The following KLRG1 variants were observed in gnomAD, a reference collection of about 807,000 sequenced individuals.
KLRG1 encodes killer cell lectin-like receptor subfamily G member 1.
In KLRG1, 16 loss-of-function variants were observed where a neutral mutation model predicts 21.8. That is an observed-to-expected ratio of 0.73 (90% CI 0.50 to 1.11). The LOEUF (loss-of-function observed/expected upper bound fraction) is 1.11. KLRG1 is among the 50% of genes most tolerant of loss of function. The pLI, the probability that KLRG1 is intolerant of heterozygous loss-of-function variation, is 0.00. For missense variants in KLRG1, 173 were observed against 218.3 expected, an observed-to-expected ratio of 0.79 and a Z score of 1.31; for synonymous variants, 69 against 75.9, an observed-to-expected ratio of 0.91 and a Z score of 0.47.
At chr12:9,077,612 C>T in the KLRG1 span, 1 of 1,555,814 alleles carries the variant, frequency 6.4e-7, no homozygotes, top group Non-Finnish European at 8.7e-7. Context: ...CTGAGGCTTT[C>T]CCTTAGAATT....
the KLRG1 span, chr12:9,077,586 C>G: frequency 1.4e-5 from 22 of 1,521,066 alleles, no homozygotes; most frequent in Non-Finnish European, 1.9e-5. Flanking sequence ...TGGTGCCATC[C>G]AGGTTTTATT....
intron 1 of KLRG1, among the ~76,000 whole-genome samples, chr12:8,969,526 A>G (rs1010238379): frequency 6.6e-6 from 1 of 151,374 alleles, no homozygotes; most frequent in African/African-American, 2.4e-5. Context: ...GAGCTCTTTT[A>G]TTTTAGTTAA....
chr12:9,118,943 TA>T, the KLRG1 span, among the ~76,000 whole-genome samples: 2 of 152,146 alleles, frequency 1.3e-5, no homozygotes, highest in Non-Finnish European at 2.9e-5. Flanking sequence ...AAGACAGAGT[TA>T]CAGGGAATGC....
chr12:8,968,287 AAG>A (rs145372769), intron 1 of KLRG1, among the ~76,000 whole-genome samples: 50,760 of 151,788 alleles, frequency 0.33, 8,801 homozygotes, highest in Admixed American at 0.4. Flanking sequence ...ATACCATACA[AAG>A]AGAGTTGGAG....
At chr12:9,110,080 T>C in the KLRG1 span, 27 of 1,562,168 alleles carry the variant, frequency 1.7e-5, no homozygotes, top group Middle Eastern at 5.2e-4. Flanking sequence ...ACCTGGAGCA[T>C]TGGAGCTAAT....
the KLRG1 span, among the ~76,000 whole-genome samples, chr12:9,084,297 A>G: frequency 3.3e-5 from 5 of 152,214 alleles, no homozygotes; most frequent in African/African-American, 1.2e-4. Context: ...AAAATACTCT[A>G]TGACTGTAAT....
In KLRG1 at chr12:8,967,631, G is replaced by A. The variant is rs115435128; in HGVS notation, c.-156+17395G>A. On this transcript the variant is annotated intron_variant, in intron 1 of 4. Coordinates refer to the KLRG1 transcript ENST00000539240. ...CAGCTACTTGAAGGCTGAAATGGGA[G>A]ATTTCTTGAGCCTAGGAGTTCAAGG... Among the ~76,000 whole-genome samples, 741 of 152,252 alleles carry A rather than the reference G, an allele frequency of 4.9e-3. 11 individuals are homozygous for A. Among genetic ancestry groups the A allele is most frequent in the African/African-American group, 0.016 (678 of 41,542 alleles).
the KLRG1 span, chr12:9,192,727 G>A: frequency 1.2e-6 from 2 of 1,609,226 alleles, no homozygotes; most frequent in Non-Finnish European, 1.7e-6. Context: ...AAGTTGGGAT[G>A]CACAGTGAAA....
At chr12:9,013,640 G>T (rs182857089), downstream of KLRG1, among the ~76,000 whole-genome samples, 2 of 152,174 alleles carry the variant, frequency 1.3e-5, no homozygotes, top group Non-Finnish European at 2.9e-5. Context: ...GACAAGAGAA[G>T]AGAACTTGTG....
the KLRG1 span, chr12:9,098,666 G>C: frequency 1.2e-6 from 2 of 1,611,274 alleles, no homozygotes; most frequent in East Asian, 2.2e-5. Context: ...TCCACAGCAC[G>C]GAGGGCGCAG....
At chr12:9,112,930 A>G in the KLRG1 span, among the ~76,000 whole-genome samples, 3 of 152,180 alleles carry the variant, frequency 2.0e-5, no homozygotes. Context: ...TCACATGTGG[A>G]CAACTCTGAA....
At chr12:8,992,004 G>GT in intron 1 of KLRG1, 1 of 472,282 alleles carries the variant, frequency 2.1e-6, no homozygotes, top group Non-Finnish European at 3.8e-6. Context: ...GATAAATATA[G>GT]TAAGTTCTTT....
chr12:9,192,916 A>G, the KLRG1 span, among the ~76,000 whole-genome samples: 7 of 152,242 alleles, frequency 4.6e-5, no homozygotes, highest in Admixed American at 4.6e-4. Flanking sequence ...AAATATTAAA[A>G]GGAAATCATC....
chr12:9,109,319 AC>A, the KLRG1 span: 1 of 1,608,416 alleles, frequency 6.2e-7, no homozygotes, highest in East Asian at 2.2e-5. Context: ...AAATGAACTC[AC>A]AGGCCACACA....
the KLRG1 span, chr12:9,163,788 C>A: frequency 1.2e-6 from 2 of 1,610,434 alleles, no homozygotes; most frequent in Non-Finnish European, 1.7e-6. Context: ...AGTTCACATT[C>A]CCTAAAACAA....
At chr12:9,047,533 A>T in the KLRG1 span, among the ~76,000 whole-genome samples, 1 of 152,234 alleles carries the variant, frequency 6.6e-6, no homozygotes, top group African/African-American at 2.4e-5. Flanking sequence ...CAATTAAAAT[A>T]AGGTAGAGAT....
At chr12:8,990,261 A>G (rs1946929234) in intron 1 of KLRG1, 1 of 152,014 alleles carries the variant, frequency 6.6e-6, no homozygotes, top group South Asian at 2.1e-4. Flanking sequence ...GAAACTACAG[A>G]TAATAGTCTC....
the KLRG1 span, among the ~76,000 whole-genome samples, chr12:9,195,514 A>T: frequency 2.0e-5 from 3 of 150,376 alleles, no homozygotes; most frequent in African/African-American, 7.4e-5. Context: ...TGCCATTATA[A>T]CTCACAGCAG....
chr12:9,072,346 C>T, the KLRG1 span: 11 of 1,613,172 alleles, frequency 6.8e-6, no homozygotes, highest in African/African-American at 5.3e-5. Flanking sequence ...GTGATAGAGT[C>T]AGAAGGTCTT....
Sources: allele counts gnomAD v4.1 joint callset (sites outside exome capture counted in the v4.1 genomes callset), GRCh38; gene constraint gnomAD v4.1.1; transcripts MANE v1.5; gene names NCBI Gene and HGNC (gene_info 2026-07-23, HGNC 2026-07-21).